TNFSF4: variants seen among roughly 807,000 people sequenced by gnomAD.
TNFSF4 encodes TNF superfamily member 4.
Under a neutral mutation model 7.3 loss-of-function variants are expected in TNFSF4, and 4 were observed. The observed-to-expected ratio is 0.55, with a 90% confidence interval of 0.27 to 1.25. The LOEUF (loss-of-function observed/expected upper bound fraction) is 1.25. Ranked by LOEUF, TNFSF4 falls within the 50% of genes most tolerant of loss-of-function variation. TNFSF4 has a pLI of 0.12. For missense variants in TNFSF4, 181 were observed against 208.8 expected, an observed-to-expected ratio of 0.87 and a Z score of 0.82; for synonymous variants, 76 against 83.7, an observed-to-expected ratio of 0.91 and a Z score of 0.50.
At chr1:173,226,660 A>G in the TNFSF4 span, among the ~76,000 whole-genome samples, 1 of 152,180 alleles carries the variant, frequency 6.6e-6, no homozygotes, top group Non-Finnish European at 1.5e-5. Context: ...GGGCTCTCTT[A>G]ATCTTTATGT....
chr1:173,346,370 A>T, the TNFSF4 span, among the ~76,000 whole-genome samples: 4 of 152,288 alleles, frequency 2.6e-5, no homozygotes, highest in Admixed American at 6.5e-5. Context: ...CTGAAAAAAA[A>T]TTTTAAATCC....
chr1:173,418,356 C>T, the TNFSF4 span: 6,707 of 152,272 alleles, frequency 0.044, 523 homozygotes, highest in African/African-American at 0.15. Context: ...GGTGTGCATA[C>T]GGTGCACCTT....
chr1:173,263,401 T>C, the TNFSF4 span, among the ~76,000 whole-genome samples: 1 of 152,242 alleles, frequency 6.6e-6, no homozygotes, highest in Non-Finnish European at 1.5e-5. Context: ...TCAATTTCTT[T>C]GGTCTCTTTC....
At chr1:173,298,461 T>A in the TNFSF4 span, among the ~76,000 whole-genome samples, 1 of 151,940 alleles carries the variant, frequency 6.6e-6, no homozygotes, top group Non-Finnish European at 1.5e-5. Context: ...TGAGTTAGAG[T>A]GGTGAAGTAG....
At chr1:173,187,008 G>T (rs145096651) in intron 2 of TNFSF4, 143 bp from the exon 3 acceptor site, 2 of 597,012 alleles carry the variant, frequency 3.4e-6, no homozygotes, top group Non-Finnish European at 5.8e-6. Flanking sequence ...CCAAGATCCC[G>T]CCACTGCACT....
the TNFSF4 span, among the ~76,000 whole-genome samples, chr1:173,319,831 A>C: frequency 5.3e-5 from 8 of 152,168 alleles, no homozygotes; most frequent in Non-Finnish European, 8.8e-5. Flanking sequence ...AGACCCCCCC[A>C]CAAAAACCCC....
the TNFSF4 span, among the ~76,000 whole-genome samples, chr1:173,446,808 G>C: frequency 6.6e-6 from 1 of 152,206 alleles, no homozygotes; most frequent in Non-Finnish European, 1.5e-5. Context: ...AGGGCTCTCA[G>C]ACCTTCAGCT....
chr1:173,183,356 A>G (rs1052353341), downstream of TNFSF4, among the ~76,000 whole-genome samples: 2 of 152,194 alleles, frequency 1.3e-5, no homozygotes, highest in Non-Finnish European at 2.9e-5. Flanking sequence ...AGACTATGCT[A>G]CACAAACCCA....
At chr1:173,239,629 A>G in the TNFSF4 span, among the ~76,000 whole-genome samples, 1 of 152,206 alleles carries the variant, frequency 6.6e-6, no homozygotes, top group Non-Finnish European at 1.5e-5. Context: ...GAGCTGAAAG[A>G]AAGGTGCAGG....
At chr1:173,266,146 C>A in the TNFSF4 span, among the ~76,000 whole-genome samples, 1 of 151,820 alleles carries the variant, frequency 6.6e-6, no homozygotes, top group Non-Finnish European at 1.5e-5. Context: ...CCAATTCAAC[C>A]TAGGGTAGTG....
chr1:173,276,503 G>T, the TNFSF4 span, among the ~76,000 whole-genome samples: 1 of 152,118 alleles, frequency 6.6e-6, no homozygotes, highest in Non-Finnish European at 1.5e-5. Context: ...GAATGAGCCT[G>T]ACCTAAACAG....
chr1:173,435,378 C>T, the TNFSF4 span, among the ~76,000 whole-genome samples: 1 of 152,200 alleles, frequency 6.6e-6, no homozygotes, highest in African/African-American at 2.4e-5. Flanking sequence ...TCCTAACCCC[C>T]AGTGTGGCTG....
At chr1:173,305,693 TA>T in the TNFSF4 span, among the ~76,000 whole-genome samples, 100 of 145,116 alleles carry the variant, frequency 6.9e-4, 1 homozygote, top group Admixed American at 1.2e-3. Context: ...GGTAATTTAT[TA>T]AAAAAAAAAA....
At chr1:173,429,009 GA>G in the TNFSF4 span, among the ~76,000 whole-genome samples, 43 of 141,610 alleles carry the variant, frequency 3.0e-4, no homozygotes, top group Admixed American at 3.5e-4. Context: ...TCTGTCTAAG[GA>G]AAAAAAAAAA....
intron 1 of TNFSF4, among the ~76,000 whole-genome samples, chr1:173,198,580 C>T (rs535573965): frequency 1.3e-5 from 2 of 152,304 alleles, no homozygotes; most frequent in South Asian, 4.1e-4. Context: ...GATCGTGCCA[C>T]TGCACTCCAG....
the TNFSF4 span, among the ~76,000 whole-genome samples, chr1:173,232,357 G>A: frequency 4.6e-5 from 7 of 152,320 alleles, no homozygotes; most frequent in South Asian, 1.4e-3. Flanking sequence ...ATCAGCTTAA[G>A]TAGATTTTGG....
the TNFSF4 span, among the ~76,000 whole-genome samples, chr1:173,230,342 C>T: frequency 8.5e-5 from 13 of 152,128 alleles, 1 homozygote; most frequent in Non-Finnish European, 1.3e-4. Context: ...GGGTACATAA[C>T]AAAATGAAGG....
chr1:173,322,754 C>T, the TNFSF4 span, among the ~76,000 whole-genome samples: 4 of 152,182 alleles, frequency 2.6e-5, no homozygotes, highest in Non-Finnish European at 5.9e-5. Context: ...GCACCTGGCT[C>T]GGAGGGTCCT....
At chr1:173,422,906 A>G in the TNFSF4 span, among the ~76,000 whole-genome samples, 1 of 152,294 alleles carries the variant, frequency 6.6e-6, no homozygotes, top group Admixed American at 6.5e-5. Context: ...TCGTGGAGAA[A>G]GGAGGTTTGT....
Sources: allele counts gnomAD v4.1 joint callset (sites outside exome capture counted in the v4.1 genomes callset), GRCh38; gene constraint gnomAD v4.1.1; transcripts MANE v1.5; gene names NCBI Gene and HGNC (gene_info 2026-07-23, HGNC 2026-07-21).